The following PSD3 variants were observed in gnomAD, a reference collection of about 807,000 sequenced individuals.
The protein encoded by PSD3 is pleckstrin and Sec7 domain containing 3, also known as PH and SEC7 domain-containing protein 3.
Under a neutral mutation model 105.5 loss-of-function variants are expected in PSD3, and 49 were observed. That is an observed-to-expected ratio of 0.46 (90% CI 0.37 to 0.59). The LOEUF (loss-of-function observed/expected upper bound fraction) is 0.59. Ranked by LOEUF, PSD3 falls within the 20% of genes least tolerant of loss-of-function variation. The pLI is 0.00. For missense variants in PSD3, 1,561 were observed against 1,263.8 expected (o/e 1.24, Z -3.57); for synonymous variants, 557 against 457.8 (o/e 1.22, Z -2.77).
intron 8 of PSD3, among the ~76,000 whole-genome samples, chr8:18,768,823 T>G (rs1280360146): frequency 1.3e-5 from 2 of 152,206 alleles, no homozygotes; most frequent in Non-Finnish European, 2.9e-5. Flanking sequence ...TTAAAAACCT[T>G]GCCTCTTTCA....
chr8:18,739,352 G>T (rs140233030), intron 9 of PSD3, among the ~76,000 whole-genome samples: 1 of 152,034 alleles, frequency 6.6e-6, no homozygotes, highest in African/African-American at 2.4e-5. Context: ...TTATAAACTC[G>T]CTGTTGAAAT....
At chr8:19,001,928 G>A (rs1175475444) in intron 1 of PSD3, 7 of 183,704 alleles carry the variant, frequency 3.8e-5, no homozygotes, top group South Asian at 1.5e-4. Context: ...GTGAAAGCCA[G>A]CAACAGCGCC....
Position 18,936,042 on chromosome 8 carries a change from G to C in PSD3, c.122C>G (p.Pro41Arg), listed in dbSNP as rs532399213. The change falls in exon 2 of 16, where the codon CCA becomes CGA. Residue 41 changes from proline (P) to arginine (R), a missense_variant. By Grantham distance (103) the Pro-to-Arg change is moderately radical (BLOSUM62 -2). Coordinates refer to ENST00000327040, the MANE Select transcript of PSD3 (RefSeq NM_015310.4). The part of the protein sequence containing the change: ...FLFGRSEGKA[P>R]DTSDHGGSTL... ...TATGAGGAAATACTTACTAGTATCT[G>C]GAGCTTTCCCTTCAGATCTGCCAAA... 3.7e-6 allele frequency: 6 copies of C among 1,605,342 alleles called. No individual in the cohort carries two copies. Among genetic ancestry groups the C allele is most frequent in the Non-Finnish European group, 5.1e-6 (6 of 1,172,750 alleles).
At chr8:18,961,136 G>A (rs996418252) in intron 1 of PSD3, among the ~76,000 whole-genome samples, 1 of 151,926 alleles carries the variant, frequency 6.6e-6, no homozygotes, top group East Asian at 1.9e-4. Flanking sequence ...AAGAAAAAGT[G>A]CAACTAGACA....
At chr8:18,600,524 T>C (rs1804358820) in intron 11 of PSD3, 90 bp from the exon 12 acceptor site, 3 of 1,066,392 alleles carry the variant, frequency 2.8e-6, no homozygotes, top group Non-Finnish European at 4.2e-6. Flanking sequence ...AGTGTTTCAA[T>C]ATTCTACCTA....
intron 2 of PSD3, among the ~76,000 whole-genome samples, chr8:18,904,103 T>TC (rs1366570436): frequency 1.3e-5 from 2 of 152,254 alleles, no homozygotes; most frequent in African/African-American, 4.8e-5. Flanking sequence ...TTGCTTCTGG[T>TC]CAGGACCTCA....
intron 14 of PSD3, among the ~76,000 whole-genome samples, chr8:18,564,423 G>C (rs1407415216): frequency 6.6e-6 from 1 of 152,080 alleles, no homozygotes; most frequent in African/African-American, 2.4e-5. Flanking sequence ...GAGGTCAGGA[G>C]GTCAAGACCA....
In PSD3 at chr8:18,620,342, G is replaced by GTT. The variant is rs57785765; in HGVS notation, c.2410+12269_2410+12270dup. Among the ~76,000 whole-genome samples, 441 of 121,720 alleles carry GTT rather than the reference G, an allele frequency of 3.6e-3. 7 individuals carry two copies. Among genetic ancestry groups the GTT allele is most frequent in the South Asian group, 0.032 (114 of 3,544 alleles). 79.9% of individuals were successfully genotyped at this position (121,720 alleles called of 152,430 possible). On this transcript the variant is annotated intron_variant, in intron 11 of 15. Transcript: ENST00000327040. The stretch of plus-strand genomic sequence containing the variant: ...CTTACTGAAGGGTTCTTGGGTTTGT[G>GTT]TTTTTTTTTTTTTTTTTTCCCCAGG...
chr8:18,957,690 A>T (rs979858505), intron 1 of PSD3, among the ~76,000 whole-genome samples: 1 of 152,218 alleles, frequency 6.6e-6, no homozygotes, highest in African/African-American at 2.4e-5. Flanking sequence ...TTTTGCCAAC[A>T]TCCTCTCAGA....
chr8:19,005,491 T>C (rs924449501), intron 1 of PSD3, among the ~76,000 whole-genome samples: 5 of 151,814 alleles, frequency 3.3e-5, no homozygotes, highest in African/African-American at 4.8e-5. Context: ...GTTTTTTTGT[T>C]TTCTTTTGAG....
Position 18,781,878 on chromosome 8 carries a change from G to A in PSD3, c.2083-16340C>T, listed in dbSNP as rs187450780. Among the ~76,000 whole-genome samples the A allele has an allele frequency of 4.6e-4, 70 of 151,840 alleles. 1 individual carries two copies. The highest frequency in any genetic ancestry group is 2.8e-3 in the Admixed American group (43 of 15,246). On this transcript the variant is annotated intron_variant, in intron 8 of 15. Transcript: ENST00000327040. ...TGTATGTGTTACATAAGCTTTCTTC[G>A]TTTTTATTTTTTTTAAAAATGTTAT...
At chr8:18,655,794 C>A in intron 9 of PSD3, 109 bp from the exon 10 acceptor site, 2 of 999,906 alleles carry the variant, frequency 2.0e-6, no homozygotes, top group South Asian at 1.4e-5. Flanking sequence ...ACGAAGCCCC[C>A]CTTGTCAGTC....
intron 11 of PSD3, among the ~76,000 whole-genome samples, chr8:18,616,822 A>ATCC (rs1436121015): frequency 1.3e-5 from 2 of 150,656 alleles, no homozygotes; most frequent in Non-Finnish European, 3.0e-5. Flanking sequence ...ACGGGGTTTC[A>ATCC]CCGTTTTAGC....
At chr8:18,765,337 A>T in intron 9 of PSD3, 112 bp downstream of exon 9, 1 of 947,576 alleles carries the variant, frequency 1.1e-6, no homozygotes, top group Non-Finnish European at 1.7e-6. Flanking sequence ...CACCAATAAA[A>T]CCAAAAGCAA....
At chr8:18,857,983 CAG>C (rs1256149564) in intron 4 of PSD3, among the ~76,000 whole-genome samples, 1 of 152,172 alleles carries the variant, frequency 6.6e-6, no homozygotes, top group African/African-American at 2.4e-5. Context: ...TTAGACAGGA[CAG>C]AGATTAATAT....
At chr8:18,987,357 G>A (rs1037831120) in intron 1 of PSD3, among the ~76,000 whole-genome samples, 1 of 151,098 alleles carries the variant, frequency 6.6e-6, no homozygotes, top group Non-Finnish European at 1.5e-5. Flanking sequence ...GCGCAATCTC[G>A]GCTCACTGCA....
intron 2 of PSD3, among the ~76,000 whole-genome samples, chr8:18,914,197 A>G (rs1586408646): frequency 2.0e-5 from 2 of 98,836 alleles, no homozygotes; most frequent in East Asian, 2.4e-4. Context: ...TTTCATGATA[A>G]AGAAAAAAAA....
intron 4 of PSD3, among the ~76,000 whole-genome samples, chr8:18,851,725 G>A (rs183259050): frequency 2.0e-5 from 3 of 152,262 alleles, no homozygotes; most frequent in Non-Finnish European, 2.9e-5. Flanking sequence ...TGGCAAGCCC[G>A]ACAGAACTTT....
At position 18,702,482 on chromosome 8, in the gene PSD3, T is replaced by C. The variant is rs544155562; in HGVS notation, c.2173-46797A>G. Among the ~76,000 whole-genome samples, 17 of 152,338 alleles carry C rather than the reference T, an allele frequency of 1.1e-4. No individual in the cohort carries two copies. In the East Asian group the frequency reaches 1.4e-3, roughly 12 times the overall value. ...GTACTTTAGGGGTATGTGTGTTCTT[T>C]TGACACATATACACAACAATGTGCA... On this transcript the variant is annotated intron_variant, in intron 9 of 15. Coordinates refer to ENST00000327040, the MANE Select transcript of PSD3 (RefSeq NM_015310.4).
Sources: allele counts gnomAD v4.1 joint callset (sites outside exome capture counted in the v4.1 genomes callset), GRCh38; gene constraint gnomAD v4.1.1; transcripts MANE v1.5; gene names NCBI Gene and HGNC (gene_info 2026-07-23, HGNC 2026-07-21).